DENND1B: variants seen among roughly 807,000 people sequenced by gnomAD.
The protein encoded by DENND1B is DENN domain containing 1B.
In DENND1B, 59 loss-of-function variants were observed where a neutral mutation model predicts 90.1. That is an observed-to-expected ratio of 0.65 (90% CI 0.53 to 0.81). DENND1B has a LOEUF of 0.81. DENND1B is among the 40% of genes least tolerant of loss of function. The pLI is 0.00. For missense variants in DENND1B, 862 were observed against 912.6 expected (o/e 0.94, Z 0.71); for synonymous variants, 337 against 324.6 (o/e 1.04, Z -0.41).
At chr1:197,641,879 G>C (rs913288910) in intron 10 of DENND1B, among the ~76,000 whole-genome samples, 1 of 151,840 alleles carries the variant, frequency 6.6e-6, no homozygotes, top group Non-Finnish European at 1.5e-5. Context: ...TATAGGAGAA[G>C]AAAACATTAA....
intron 20 of DENND1B, among the ~76,000 whole-genome samples, chr1:197,523,014 T>C (rs185257547): frequency 2.1e-4 from 32 of 152,256 alleles, no homozygotes; most frequent in African/African-American, 7.5e-4. Context: ...TTTAATTTTA[T>C]TTCCAATTGA....
At chr1:197,695,002 G>A (rs992685387) in intron 3 of DENND1B, among the ~76,000 whole-genome samples, 1 of 151,114 alleles carries the variant, frequency 6.6e-6, no homozygotes, top group Non-Finnish European at 1.5e-5. Flanking sequence ...ATAAAGCAAA[G>A]TTCATAAAAT....
chr1:197,599,494 A>C (rs557171694), intron 13 of DENND1B, among the ~76,000 whole-genome samples: 23 of 152,002 alleles, frequency 1.5e-4, no homozygotes, highest in Admixed American at 1.5e-3. Context: ...CTTTCATATA[A>C]CTAAACTGCT....
intron 20 of DENND1B, among the ~76,000 whole-genome samples, chr1:197,524,951 T>G (rs147557414): frequency 6.6e-6 from 1 of 152,286 alleles, no homozygotes; most frequent in African/African-American, 2.4e-5. Flanking sequence ...GAAGTTTAGT[T>G]TCTATCTAAA....
chr1:197,763,671 T>G (rs989179163), intron 2 of DENND1B, among the ~76,000 whole-genome samples: 2 of 152,226 alleles, frequency 1.3e-5, no homozygotes, highest in Non-Finnish European at 2.9e-5. Flanking sequence ...AAAACTCCAG[T>G]TAACTTTAGA....
At chr1:197,763,621 TTTACTC>T (rs1655366660) in intron 2 of DENND1B, among the ~76,000 whole-genome samples, 3 of 152,226 alleles carry the variant, frequency 2.0e-5, no homozygotes, top group Admixed American at 1.3e-4. Context: ...CAATATATTC[TTTACTC>T]TTAATTATTC....
intron 5 of DENND1B, among the ~76,000 whole-genome samples, chr1:197,661,293 T>C (rs1316333955): frequency 6.6e-6 from 1 of 152,148 alleles, no homozygotes; most frequent in African/African-American, 2.4e-5. Flanking sequence ...TCATAGTTTC[T>C]GCATTCACTA....
chr1:197,677,475 C>T (rs773273580), intron 3 of DENND1B, among the ~76,000 whole-genome samples: 41 of 152,154 alleles, frequency 2.7e-4, no homozygotes, highest in Non-Finnish European at 4.0e-4. Flanking sequence ...ATCAGAAACA[C>T]GGTAGTTACC....
rs1304366481 is a variant in DENND1B, at chr1:197,505,530, T to C, written c.*4930A>G. The C allele has an allele frequency of 6.6e-6, 1 of 151,706 alleles. No individual in the cohort carries two copies. Among genetic ancestry groups the C allele is most frequent in the Admixed American group, 6.6e-5 (1 of 15,186 alleles). 9.4% of individuals were successfully genotyped at this position (151,706 alleles called of 1,614,324 possible). A position where few individuals can be genotyped will look rare whatever the true frequency, so the allele number is the denominator to read the frequency against. On this transcript the variant is annotated 3_prime_UTR_variant, in exon 23 of 23. Transcript: ENST00000620048. ...GTGGCTTGAAAAAAACATAGCATTC[T>C]GGATATAAAGCATTCTGTTAACATT...
chr1:197,721,938 T>C (rs758990296), intron 2 of DENND1B, among the ~76,000 whole-genome samples: 3 of 152,186 alleles, frequency 2.0e-5, no homozygotes, highest in East Asian at 1.9e-4. Context: ...ACTATAGTTA[T>C]GTGTACACAA....
intron 5 of DENND1B, among the ~76,000 whole-genome samples, chr1:197,660,517 C>G (rs1195177560): frequency 6.6e-6 from 1 of 151,866 alleles, no homozygotes; most frequent in Admixed American, 6.6e-5. Flanking sequence ...GAACTTCAGA[C>G]ATGAGTCTCC....
At chr1:197,732,742 T>C (rs898949949) in intron 2 of DENND1B, among the ~76,000 whole-genome samples, 2 of 152,108 alleles carry the variant, frequency 1.3e-5, no homozygotes, top group African/African-American at 4.8e-5. Context: ...TTAGTCCAGG[T>C]TGGTAAATAA....
intron 16 of DENND1B, chr1:197,552,540 A>G (rs1671328047): frequency 1.0e-6 from 1 of 985,550 alleles, no homozygotes; most frequent in African/African-American, 1.7e-5. Context: ...GTGATCTATA[A>G]AGTCAAAAAG....
intron 2 of DENND1B, chr1:197,736,047 A>G: frequency 1.1e-6 from 1 of 880,572 alleles, no homozygotes; most frequent in Non-Finnish European, 1.9e-6. Context: ...CAAAGGCAGC[A>G]CCTAAGTAAA....
intron 5 of DENND1B, among the ~76,000 whole-genome samples, chr1:197,665,140 T>A (rs887601376): frequency 1.3e-5 from 2 of 152,122 alleles, no homozygotes; most frequent in African/African-American, 4.8e-5. Context: ...AAATTAAATA[T>A]CAACTTTTGT....
intron 2 of DENND1B, chr1:197,757,387 G>A (rs1025418724): frequency 6.6e-6 from 1 of 152,170 alleles, no homozygotes; most frequent in Non-Finnish European, 1.5e-5. Flanking sequence ...ATCCCAGCCT[G>A]TGCCTCTCTA....
In DENND1B at chr1:197,574,190, C is replaced by T. The variant is rs577811049; in HGVS notation, c.1149+8962G>A. ...ATGACATGATTGTCTATTTAGAAAA[C>T]CCCATCATCTCAGCCCAAAATCTCC... On this transcript the variant is annotated intron_variant, in intron 15 of 22. Transcript: ENST00000620048. Among the ~76,000 whole-genome samples the T allele has an allele frequency of 1.6e-3, 236 of 152,244 alleles. 1 individual carries two copies. The highest frequency in any genetic ancestry group is 2.7e-3 in the Admixed American group (42 of 15,306).
intron 16 of DENND1B, among the ~76,000 whole-genome samples, 184 bp from the exon 17 acceptor site, chr1:197,546,957 T>C (rs186984655): frequency 1.1e-4 from 16 of 152,292 alleles, no homozygotes; most frequent in African/African-American, 3.4e-4. Context: ...AATAATTTAG[T>C]CAATAAGATG....
chr1:197,519,284 A>G (rs1003339633), intron 20 of DENND1B, among the ~76,000 whole-genome samples: 2 of 151,960 alleles, frequency 1.3e-5, no homozygotes, highest in African/African-American at 4.8e-5. Flanking sequence ...ATGTTTTCTG[A>G]ATAAATGAAT....
Sources: allele counts gnomAD v4.1 joint callset (sites outside exome capture counted in the v4.1 genomes callset), GRCh38; gene constraint gnomAD v4.1.1; transcripts MANE v1.5; gene names NCBI Gene and HGNC (gene_info 2026-07-23, HGNC 2026-07-21).